The following NOX5 variants were observed in gnomAD, a reference collection of about 807,000 sequenced individuals.
NOX5 encodes the protein NADPH oxidase 5.
In NOX5, 76 loss-of-function variants were observed where a neutral mutation model predicts 85.7. The ratio of observed to expected loss-of-function variants is 0.89; its 90% CI spans 0.74 to 1.07. The LOEUF (loss-of-function observed/expected upper bound fraction) is 1.07. Among genes scored for constraint, NOX5 ranks in the 50% least tolerant of loss-of-function variants. The probability of loss-of-function intolerance (pLI) is 0.00; values close to 1 mark genes in which losing one functional copy is unlikely to be tolerated. For missense variants in NOX5, 973 were observed against 999.5 expected, an observed-to-expected ratio of 0.97 and a Z score of 0.36; for synonymous variants, 405 against 401.4, an observed-to-expected ratio of 1.01 and a Z score of -0.11.
chr15:69,038,616 A>T (rs964392460), intron 8 of NOX5, among the ~76,000 whole-genome samples: 7 of 152,178 alleles, frequency 4.6e-5, no homozygotes, highest in Non-Finnish European at 8.8e-5. Flanking sequence ...GAGGCAGGGT[A>T]AAACCAGGGG....
At chr15:69,021,338 C>G (rs545831368) in intron 1 of NOX5, among the ~76,000 whole-genome samples, 10 of 151,738 alleles carry the variant, frequency 6.6e-5, no homozygotes, top group Non-Finnish European at 1.5e-5. Flanking sequence ...ATTTAACTGC[C>G]CTTTTGAATT....
In NOX5 at chr15:69,028,202, T is replaced by G. The variant is rs772834158; in HGVS notation, c.175-13T>G. 6.3e-7 allele frequency: 1 copy of G among 1,587,266 alleles called. No homozygotes were observed. Among genetic ancestry groups the G allele is most frequent in the Non-Finnish European group, 8.6e-7 (1 of 1,166,352 alleles). ...GCCACAGTTGTGCTGTCTTCCACCC[T>G]TCTCGCCCACAGTCCTTCTTTGCAG... On this transcript the variant is annotated splice_polypyrimidine_tract_variant and intron_variant, in intron 2 of 15. Coordinates refer to ENST00000388866, the MANE Select transcript of NOX5 (RefSeq NM_024505.4).
intron 15 of NOX5, 144 bp downstream of exon 15, chr15:69,055,644 G>A (rs2050803386): frequency 2.5e-6 from 2 of 794,034 alleles, no homozygotes; most frequent in Non-Finnish European, 3.9e-6. Context: ...GGTGTGAAAG[G>A]TAAACAGGGC....
chr15:69,020,168 A>T (rs2050279989), intron 1 of NOX5, among the ~76,000 whole-genome samples: 1 of 152,172 alleles, frequency 6.6e-6, no homozygotes, highest in African/African-American at 2.4e-5. Context: ...ATTTACTGTT[A>T]TTGTTGCCCT....
At chr15:69,049,624 A>T (rs1284697533) in intron 14 of NOX5, among the ~76,000 whole-genome samples, 1 of 152,124 alleles carries the variant, frequency 6.6e-6, no homozygotes, top group African/African-American at 2.4e-5. Flanking sequence ...ATAAAAATAT[A>T]TTTCTTTATT....
chr15:69,056,799 A>G lies in NOX5; in HGVS notation c.*103A>G. On this transcript the variant is annotated 3_prime_UTR_variant, in exon 16 of 16. Coordinates refer to ENST00000388866, the MANE Select transcript of NOX5 (RefSeq NM_024505.4). ...ACCAGCCTCAGATGACCCACCCAATAAGACAAAGCCTAGGGACCCCCTAAT... is the reference window on the plus strand; with the variant it reads ...ACCAGCCTCAGATGACCCACCCAATGAGACAAAGCCTAGGGACCCCCTAAT... The G allele has an allele frequency of 7.0e-7, 1 of 1,438,582 alleles. No homozygotes were observed. Among genetic ancestry groups the G allele is most frequent in the African/African-American group, 1.4e-5 (1 of 70,308 alleles). 89.1% of individuals were successfully genotyped at this position (1,438,582 alleles called of 1,614,324 possible).
At chr15:69,034,007 G>C (rs956422343) in intron 5 of NOX5, among the ~76,000 whole-genome samples, 3 of 151,892 alleles carry the variant, frequency 2.0e-5, no homozygotes, top group African/African-American at 4.8e-5. Context: ...AAGAGTTTTT[G>C]ATCACACAAC....
intron 5 of NOX5, among the ~76,000 whole-genome samples, chr15:69,034,231 A>T (rs2050482697): frequency 2.6e-5 from 4 of 152,120 alleles, no homozygotes; most frequent in African/African-American, 9.6e-5. Flanking sequence ...ATTTTTAATT[A>T]TTAATCTTAA....
intron 1 of NOX5, among the ~76,000 whole-genome samples, chr15:69,019,601 C>T (rs2050274300): frequency 6.6e-6 from 1 of 152,178 alleles, no homozygotes; most frequent in Non-Finnish European, 1.5e-5. Context: ...TCCTCTTTCT[C>T]CCCTCCAGTC....
intron 10 of NOX5, among the ~76,000 whole-genome samples, chr15:69,044,055 G>A (rs561765272): frequency 3.3e-5 from 5 of 152,138 alleles, no homozygotes; most frequent in South Asian, 2.1e-4. Context: ...GTGGTGGTGC[G>A]TGCCTGTAGT....
At position 69,014,727 on chromosome 15, in the gene NOX5, CAGG is replaced by C. The variant is rs1567089576; in HGVS notation, c.-6_-4del. On this transcript the variant is annotated 5_prime_UTR_variant, in exon 1 of 16. Coordinates refer to ENST00000388866, the MANE Select transcript of NOX5 (RefSeq NM_024505.4). ...TTTCTGGGACCTGTGATCTAGAAGA[CAGG>C]AGAAGATGAACACATCTGGAGACCC... The C allele has an allele frequency of 6.4e-7, 1 of 1,550,590 alleles. No individual in the cohort carries two copies. Among genetic ancestry groups the C allele is most frequent in the East Asian group, 2.4e-5 (1 of 40,922 alleles).
At position 69,031,572 on chromosome 15, in the gene NOX5, C is replaced by G; in HGVS notation, c.380C>G (p.Pro127Arg). 6.2e-7 allele frequency: 1 copy of G among 1,612,656 alleles called. No individual in the cohort carries two copies. Among genetic ancestry groups the G allele is most frequent in the Non-Finnish European group, 8.5e-7 (1 of 1,180,020 alleles). ...ACAGAGTGGGGTGCTGGGGCAGGCC[C>G]GCACTGGGCTTCATCCCCACTCGGG... is the stretch of plus-strand genomic sequence containing the variant. ...AGTEWGAGAG[P>R]HWASSPLGTG... The change falls in exon 4 of 16, where the codon CCG becomes CGG. Residue 127 changes from proline (P) to arginine (R), a missense_variant. Physicochemically the swap from Pro to Arg is moderately radical, Grantham distance 103 (BLOSUM62 -2). Transcript: ENST00000388866.
intron 6 of NOX5, 21 bp from the exon 7 acceptor site, chr15:69,035,721 TCTTGCAGTCACTCAAC>T: frequency 1.0e-5 from 16 of 1,603,588 alleles, no homozygotes; most frequent in Non-Finnish European, 1.1e-5. Flanking sequence ...GAAGAGCTGG[TCTTGCAGTCACTCAAC>T]CTTTCTGAGC....
chr15:69,052,779 C>T (rs749014612), intron 14 of NOX5, among the ~76,000 whole-genome samples: 4 of 152,160 alleles, frequency 2.6e-5, no homozygotes, highest in Non-Finnish European at 5.9e-5. Flanking sequence ...AAGCTCCTTG[C>T]CCTTTCTTGT....
Position 69,037,036 on chromosome 15 carries a change from T to A in NOX5, c.1197T>A (p.Tyr399Ter). The change falls in exon 8 of 16, where the codon TAT becomes TAA. Residue 399 changes from tyrosine to a stop codon, truncating the protein, a stop_gained. Coordinates refer to ENST00000388866, the MANE Select transcript of NOX5 (RefSeq NM_024505.4). LOFTEE classifies it high-confidence loss of function. Reference protein sequence around the residue: ...IRRSGHFEVFYWTHLSYLLVW... With the variant: ...IRRSGHFEVF ...CCCCCCTACCCCCATAGGTGTTCTATTGGACTCACCTGTCCTACCTCCTCG... is the reference window on the plus strand; with the variant it reads ...CCCCCCTACCCCCATAGGTGTTCTAATGGACTCACCTGTCCTACCTCCTCG... The A allele has an allele frequency of 6.2e-7, 1 of 1,608,226 alleles. No individual in the cohort carries two copies. The highest frequency in any genetic ancestry group is 1.1e-5 in the South Asian group (1 of 90,938).
chr15:69,034,741 T>TTTTATTTA (rs746680673), intron 5 of NOX5, among the ~76,000 whole-genome samples: 1 of 151,978 alleles, frequency 6.6e-6, no homozygotes, highest in Non-Finnish European at 1.5e-5. Flanking sequence ...AACAGAGATA[T>TTTTATTTA]TTTATTTATT....
chr15:69,053,778 C>G (rs77107552), intron 14 of NOX5, among the ~76,000 whole-genome samples: 1 of 152,306 alleles, frequency 6.6e-6, no homozygotes, highest in African/African-American at 2.4e-5. Flanking sequence ...CTCCCCTTCT[C>G]TCCTCTTACC....
intron 5 of NOX5, among the ~76,000 whole-genome samples, chr15:69,034,046 T>G (rs1034359370): frequency 6.6e-6 from 1 of 152,156 alleles, no homozygotes; most frequent in African/African-American, 2.4e-5. Context: ...AGCCCTCTTA[T>G]GCTTATATGC....
intron 14 of NOX5, among the ~76,000 whole-genome samples, chr15:69,050,876 T>C (rs1175743276): frequency 2.6e-5 from 4 of 152,238 alleles, no homozygotes; most frequent in African/African-American, 9.6e-5. Flanking sequence ...TAATGCGCTA[T>C]ATACGGCAAA....
Sources: allele counts gnomAD v4.1 joint callset (sites outside exome capture counted in the v4.1 genomes callset), GRCh38; gene constraint gnomAD v4.1.1; transcripts MANE v1.5; gene names NCBI Gene and HGNC (gene_info 2026-07-23, HGNC 2026-07-21).